SLC35G3: variants seen among roughly 807,000 people sequenced by gnomAD.
SLC35G3 encodes acyl-malonyl-condensing enzyme 1.
Under a neutral mutation model 17.9 loss-of-function variants are expected in SLC35G3, and 10 were observed. The ratio of observed to expected loss-of-function variants is 0.56; its 90% CI spans 0.34 to 0.95. The LOEUF is 0.95. Among genes scored for constraint, SLC35G3 ranks in the 40% least tolerant of loss-of-function variants. The pLI is 0.02. For synonymous variants in SLC35G3, 208 were observed against 197.7 expected, an observed-to-expected ratio of 1.05 and a Z score of -0.44; for missense variants, 384 against 433.6, an observed-to-expected ratio of 0.89 and a Z score of 1.02.
Position 35,194,343 on chromosome 17 carries a change from G to A in SLC35G3, c.-36C>T. The A allele has an allele frequency of 6.3e-7, 1 of 1,580,424 alleles. No homozygotes were observed. Among genetic ancestry groups the A allele is most frequent in the Non-Finnish European group, 8.6e-7 (1 of 1,165,776 alleles). On this transcript the variant is annotated 5_prime_UTR_variant, in exon 1 of 1. Coordinates refer to ENST00000297307, the MANE Select transcript of SLC35G3 (RefSeq NM_152462.2). ...ACTTTCTCCTCTCCTCCTGGCTCAG[G>A]GAGCCTGGGCCCCTCAGAGCTCCAG...
rs1292565199 is a variant in SLC35G3, at chr17:35,193,663, A to T, written c.645T>A (p.Phe215Leu). 2.5e-6 allele frequency: 4 copies of T among 1,611,850 alleles called. No homozygotes were observed. The East Asian group carries it at 8.9e-5, about 36-fold the overall frequency. Residue 215 changes from phenylalanine to leucine, a missense_variant, in exon 1 of 1, where the codon TTT becomes TTA. Phe to Leu is a conservative substitution (Grantham distance 22). Transcript: ENST00000297307. ...LRLLVYRSLH[F>L]PPCLPTVAFL... Reference sequence around the variant, plus strand: ...AGGCCACTGTTGGGAGGCAGGGGGGAAAGTGCAGAGAACGATAGACCAGAA... The same window carrying T: ...AGGCCACTGTTGGGAGGCAGGGGGGTAAGTGCAGAGAACGATAGACCAGAA...
rs1389417092 is a variant in SLC35G3 at position 35,193,956 on chromosome 17, C to T, written c.352G>A (p.Ala118Thr). The T allele has an allele frequency of 2.1e-5, 34 of 1,613,918 alleles. No homozygotes were observed. The highest frequency in any genetic ancestry group is 2.8e-5 in the Non-Finnish European group (33 of 1,179,886). The change falls in exon 1 of 1, where the codon GCC becomes ACC. Residue 118 changes from alanine to threonine, a missense_variant. By Grantham distance (58) the Ala-to-Thr change is moderately conservative. Coordinates refer to ENST00000297307, the MANE Select transcript of SLC35G3 (RefSeq NM_152462.2). ...ALLNILSIGCAYSAVQVVPAG... is the reference protein window; with the variant it reads ...ALLNILSIGCTYSAVQVVPAG... ...GGCACCACCTGAACCGCACTGTAGGCACATCCAATGCTGAGGATGTTGAGC... is the reference window on the plus strand; with the variant it reads ...GGCACCACCTGAACCGCACTGTAGGTACATCCAATGCTGAGGATGTTGAGC...
chr17:35,193,633 T>A lies in SLC35G3; in HGVS notation c.675A>T (p.Leu225=), dbSNP rs758334309. The change falls in exon 1 of 1, where the codon CTA becomes CTT. Residue 225 remains leucine, a synonymous_variant. Coordinates refer to ENST00000297307, the MANE Select transcript of SLC35G3 (RefSeq NM_152462.2). The stretch of plus-strand genomic sequence containing the variant: ...AGCCCAGCAGCCCCACCAAGCCAGA[T>A]AGGAAGGCCACTGTTGGGAGGCAGG... The part of the protein sequence containing the change: ...FPPCLPTVAF[L]SGLVGLLGSV... 1 of 1,611,894 alleles carries A rather than the reference T, an allele frequency of 6.2e-7. No individual in the cohort carries two copies. The highest frequency in any genetic ancestry group is 2.2e-5 in the East Asian group (1 of 44,872).
Position 35,194,028 on chromosome 17 carries a change from G to A in SLC35G3, c.280C>T (p.Leu94Phe), listed in dbSNP as rs200504595. Residue 94 changes from leucine (L) to phenylalanine (F), a missense_variant, in exon 1 of 1, where the codon CTT (leucine) becomes TTT (phenylalanine). Transcript: ENST00000297307. ...CTTCGGATGTCAGGAGTTCCCAGAA[G>A]GGGGTCGCCACGCAGTTTAAGTAGC... ...ALLLKLRGDPLLGTPDIRSRA... is the reference protein window; with the variant it reads ...ALLLKLRGDPFLGTPDIRSRA... The A allele has an allele frequency of 2.5e-5, 41 of 1,614,038 alleles. No individual in the cohort carries two copies. The highest frequency in any genetic ancestry group is 1.7e-4 in the Middle Eastern group (1 of 6,056).
chr17:35,193,786 T>C lies in SLC35G3; in HGVS notation c.522A>G (p.Gly174=). The part of the protein sequence containing the change: ...GCILGLIIIV[G]PGLWTLQEGT... The stretch of plus-strand genomic sequence containing the variant: ...CCTCCTGTAGTGTCCAGAGTCCAGG[T>C]CCCACAATGATGATTAGTCCTAGGA... Residue 174 remains glycine, a synonymous_variant, in exon 1 of 1, where the codon GGA becomes GGG. Transcript: ENST00000297307. 1.2e-6 allele frequency: 2 copies of C among 1,613,206 alleles called. No individual in the cohort carries two copies. The highest frequency in any genetic ancestry group is 1.1e-5 in the South Asian group (1 of 91,030).
In SLC35G3 at chr17:35,193,429, G is replaced by A; in HGVS notation, c.879C>T (p.Ala293=). The A allele has an allele frequency of 6.2e-7, 1 of 1,611,960 alleles. No individual in the cohort carries two copies. Among genetic ancestry groups the A allele is most frequent in the Non-Finnish European group, 8.5e-7 (1 of 1,179,846 alleles). Residue 293 remains alanine (A), a synonymous_variant, in exon 1 of 1, where the codon GCC becomes GCT. Coordinates refer to ENST00000297307, the MANE Select transcript of SLC35G3 (RefSeq NM_152462.2). ...CAVLHSEVVV[A]LILQYYMLHE... ...GGAGCATATAATACTGCAGTATAAG[G>A]GCCACAACCACCTCGGAATGTAGGA...
Position 35,192,847 on chromosome 17 carries a change from C to G in SLC35G3, c.*444G>C, listed in dbSNP as rs73989559. The G allele has an allele frequency of 0.04, 8,332 of 210,752 alleles. 551 individuals are homozygous for G. The highest frequency in any genetic ancestry group is 0.14 in the African/African-American group (5,893 of 42,712). The allele number at this position is 210,752 out of a possible 1,614,324, so 13.1% of individuals were successfully genotyped here. ...GTCAATGTCACGTCACCACCCCAAG[C>G]GGGGGGCACAAGCACGAGGAAAGGA... On this transcript the variant is annotated 3_prime_UTR_variant, in exon 1 of 1. Coordinates refer to ENST00000297307, the MANE Select transcript of SLC35G3 (RefSeq NM_152462.2).
chr17:35,193,540 C>G lies in SLC35G3; in HGVS notation c.768G>C (p.Val256=). 1 of 1,612,054 alleles carries G rather than the reference C, an allele frequency of 6.2e-7. No individual in the cohort carries two copies. The highest frequency in any genetic ancestry group is 2.2e-5 in the East Asian group (1 of 44,886). Residue 256 remains valine (V), a synonymous_variant, in exon 1 of 1, where the codon GTG becomes GTC. Coordinates refer to ENST00000297307, the MANE Select transcript of SLC35G3 (RefSeq NM_152462.2). ...LPSDLLSWSC[V]GAVGILALVS... ...CCAAGGCGAGGATCCCCACTGCCCC[C>G]ACACAACTCCAACTCAGGAGGTCAC... is the stretch of plus-strand genomic sequence containing the variant.
chr17:35,193,961 C>T lies in SLC35G3; in HGVS notation c.347G>A (p.Gly116Glu). 6.2e-7 allele frequency: 1 copy of T among 1,614,024 alleles called. No homozygotes were observed. The highest frequency in any genetic ancestry group is 8.5e-7 in the Non-Finnish European group (1 of 1,179,876). Residue 116 changes from glycine to glutamate, a missense_variant, in exon 1 of 1, where the codon GGA becomes GAA. Gly to Glu is a moderately conservative substitution (Grantham distance 98, BLOSUM62 -2). Coordinates refer to ENST00000297307, the MANE Select transcript of SLC35G3 (RefSeq NM_152462.2). Reference sequence around the variant, plus strand: ...CACCTGAACCGCACTGTAGGCACATCCAATGCTGAGGATGTTGAGCAGGGC... The same window carrying T: ...CACCTGAACCGCACTGTAGGCACATTCAATGCTGAGGATGTTGAGCAGGGC... ...FCALLNILSI[G>E]CAYSAVQVVP... is the part of the protein sequence containing the mutation.
rs144690787 is a variant in SLC35G3 at position 35,193,827 on chromosome 17, C to G, written c.481G>C (p.Gly161Arg). 1.1e-5 allele frequency: 17 copies of G among 1,613,862 alleles called. No individual in the cohort carries two copies. The highest frequency in any genetic ancestry group is 1.4e-5 in the Non-Finnish European group (17 of 1,179,876). ...AGTCCTAGGATGCAGCCCAACAGTCCACACCAGTCGTAGCCACTGAGACCC... is the reference window on the plus strand; with the variant it reads ...AGTCCTAGGATGCAGCCCAACAGTCGACACCAGTCGTAGCCACTGAGACCC... ...SQGLSGYDWC[G>R]LLGCILGLII... Residue 161 changes from glycine (G) to arginine (R), a missense_variant, in exon 1 of 1, where the codon GGA becomes CGA. Coordinates refer to ENST00000297307, the MANE Select transcript of SLC35G3 (RefSeq NM_152462.2).
rs769285208 is a variant in SLC35G3 at position 35,193,656 on chromosome 17, A to G, written c.652T>C (p.Cys218Arg). The stretch of plus-strand genomic sequence containing the variant: ...GATAGGAAGGCCACTGTTGGGAGGC[A>G]GGGGGGAAAGTGCAGAGAACGATAG... ...LVYRSLHFPP[C>R]LPTVAFLSGL... Residue 218 changes from cysteine to arginine, a missense_variant, in exon 1 of 1, where the codon TGC becomes CGC. Physicochemically the swap from Cys to Arg is radical, Grantham distance 180. Transcript: ENST00000297307. The G allele has an allele frequency of 4.2e-5, 68 of 1,611,868 alleles. No individual in the cohort carries two copies. The South Asian group carries it at 7.1e-4, about 17-fold the overall frequency.
chr17:35,194,182 C>T lies in SLC35G3; in HGVS notation c.126G>A (p.Val42=). The T allele has an allele frequency of 6.2e-7, 1 of 1,613,540 alleles. No individual in the cohort carries two copies. Among genetic ancestry groups the T allele is most frequent in the Non-Finnish European group, 8.5e-7 (1 of 1,179,948 alleles). The change falls in exon 1 of 1, where the codon GTG becomes GTA. Residue 42 remains valine (V), a synonymous_variant. Coordinates refer to ENST00000297307, the MANE Select transcript of SLC35G3 (RefSeq NM_152462.2). ...QPSDATSGLL[V]ALLGGGLPAG... ...CAGGCAGGCCCCCACCCAGCAGGGC[C>T]ACCAGCAGGCCACTGGTGGCATCAG...
In SLC35G3 at chr17:35,194,338, C is replaced by A. The variant is rs1190193217; in HGVS notation, c.-31G>T. 6.3e-7 allele frequency: 1 copy of A among 1,582,780 alleles called. No individual in the cohort carries two copies. Among genetic ancestry groups the A allele is most frequent in the Admixed American group, 1.8e-5 (1 of 55,914 alleles). ...CTTGGACTTTCTCCTCTCCTCCTGG[C>A]TCAGGGAGCCTGGGCCCCTCAGAGC... On this transcript the variant is annotated 5_prime_UTR_variant, in exon 1 of 1. Coordinates refer to ENST00000297307, the MANE Select transcript of SLC35G3 (RefSeq NM_152462.2).
chr17:35,193,783 A>G lies in SLC35G3; in HGVS notation c.525T>C (p.Pro175=). The stretch of plus-strand genomic sequence containing the variant: ...TCCCCTCCTGTAGTGTCCAGAGTCC[A>G]GGTCCCACAATGATGATTAGTCCTA... The part of the protein sequence containing the change: ...CILGLIIIVG[P]GLWTLQEGTT... The change falls in exon 1 of 1, where the codon CCT becomes CCC. Residue 175 remains proline (P), a synonymous_variant. Coordinates refer to ENST00000297307, the MANE Select transcript of SLC35G3 (RefSeq NM_152462.2). 1 of 1,613,294 alleles carries G rather than the reference A, an allele frequency of 6.2e-7. No homozygotes were observed. The highest frequency in any genetic ancestry group is 8.5e-7 in the Non-Finnish European group (1 of 1,179,904).
Position 35,192,965 on chromosome 17 carries a change from T to A in SLC35G3, c.*326A>T, listed in dbSNP as rs1017772186. The A allele has an allele frequency of 4.5e-6, 2 of 446,618 alleles. No homozygotes were observed. Among genetic ancestry groups the A allele is most frequent in the Non-Finnish European group, 8.3e-6 (2 of 242,056 alleles). The allele number at this position is 446,618 out of a possible 1,614,324, so 27.7% of individuals were successfully genotyped here. ...CTTTGCCGGAACACTCCAGCCCCAA[T>A]GCTCTTCTCTTTGCTGCTGAGTGAA... On this transcript the variant is annotated 3_prime_UTR_variant, in exon 1 of 1. Coordinates refer to ENST00000297307, the MANE Select transcript of SLC35G3 (RefSeq NM_152462.2).
In SLC35G3 at chr17:35,192,779, T is replaced by C. The variant is rs1328241470; in HGVS notation, c.*512A>G. On this transcript the variant is annotated 3_prime_UTR_variant, in exon 1 of 1. Coordinates refer to ENST00000297307, the MANE Select transcript of SLC35G3 (RefSeq NM_152462.2). The stretch of plus-strand genomic sequence containing the variant: ...TGTCATAGAAATGTCTATTCAGGTA[T>C]CTTTTTTTTTTTTTTTCACATTCAC... The C allele has an allele frequency of 6.6e-6, 1 of 152,098 alleles. No individual in the cohort carries two copies. Among genetic ancestry groups the C allele is most frequent in the Admixed American group, 6.2e-5 (1 of 16,090 alleles). The allele number at this position is 152,098 out of a possible 1,614,324, so 9.4% of individuals were successfully genotyped here.
Position 35,194,226 on chromosome 17 carries a change from A to G in SLC35G3, c.82T>C (p.Tyr28His). ...PPSAPPSLRW[Y>H]QRCQPSDATS... ...GCATCAGAGGGCTGGCAGCGCTGGT[A>G]CCAGCGGAGGCTGGGTGGAGCGGAG... is the stretch of plus-strand genomic sequence containing the variant. The change falls in exon 1 of 1, where the codon TAC (tyrosine) becomes CAC (histidine). Residue 28 changes from tyrosine (Y) to histidine (H), a missense_variant. Coordinates refer to ENST00000297307, the MANE Select transcript of SLC35G3 (RefSeq NM_152462.2). 1 of 1,613,868 alleles carries G rather than the reference A, an allele frequency of 6.2e-7. No homozygotes were observed. The highest frequency in any genetic ancestry group is 8.5e-7 in the Non-Finnish European group (1 of 1,179,968).
Position 35,193,174 on chromosome 17 carries a change from G to A in SLC35G3, c.*117C>T. The A allele has an allele frequency of 6.5e-7, 1 of 1,536,934 alleles. No individual in the cohort carries two copies. The highest frequency in any genetic ancestry group is 1.4e-5 in the African/African-American group (1 of 73,070). ...GTCCCCAAGTCACCCTTGACTCTGA[G>A]AGGTATCCCTCTCCCACACCAGTTC... is the stretch of plus-strand genomic sequence containing the variant. On this transcript the variant is annotated 3_prime_UTR_variant, in exon 1 of 1. Transcript: ENST00000297307.
rs530351643 is a variant in SLC35G3, at chr17:35,193,932, G to A, written c.376C>T (p.Pro126Ser). ...GCAYSAVQVVPAGNAATVRKG... is the reference protein window; with the variant it reads ...GCAYSAVQVVSAGNAATVRKG... ...CGAACAGTGGCAGCGTTGCCAGCGG[G>A]CACCACCTGAACCGCACTGTAGGCA... Residue 126 changes from proline to serine, a missense_variant, in exon 1 of 1, where the codon CCC becomes TCC. By Grantham distance (74) the Pro-to-Ser change is moderately conservative. Transcript: ENST00000297307. 7 of 1,614,002 alleles carry A rather than the reference G, an allele frequency of 4.3e-6. No homozygotes were observed. The African/African-American group carries it at 6.7e-5, about 15-fold the overall frequency.
Sources: allele counts gnomAD v4.1 joint callset, GRCh38; gene constraint gnomAD v4.1.1; transcripts MANE v1.5; gene names NCBI Gene and HGNC (gene_info 2026-07-23, HGNC 2026-07-21).